The following LRRFIP1 variants were observed in gnomAD, a reference collection of about 807,000 sequenced individuals.
LRRFIP1 encodes leucine-rich repeat flightless-interacting protein 1.
In LRRFIP1, 62 loss-of-function variants were observed where a neutral mutation model predicts 104.4. The observed-to-expected ratio is 0.59, with a 90% CI of 0.48 to 0.73. LRRFIP1 has a LOEUF of 0.73. Among genes scored for constraint, LRRFIP1 ranks in the 30% least tolerant of loss-of-function variants. The probability of loss-of-function intolerance (pLI) is 0.00; values close to 1 mark genes in which losing one functional copy is unlikely to be tolerated. For missense variants in LRRFIP1, 796 were observed against 824.5 expected (o/e 0.97, Z 0.42); for synonymous variants, 300 against 299.0 (o/e 1.00, Z -0.03).
intron 11 of LRRFIP1, among the ~76,000 whole-genome samples, chr2:237,743,896 G>C (rs114212228): frequency 0.015 from 2,350 of 152,202 alleles, 64 homozygotes; most frequent in African/African-American, 0.052. Context: ...AAATCTCACT[G>C]GGAACCTGGT....
intron 19 of LRRFIP1, among the ~76,000 whole-genome samples, chr2:237,767,791 G>A (rs188616381): frequency 4.1e-4 from 63 of 152,228 alleles, no homozygotes; most frequent in Admixed American, 2.0e-3. Flanking sequence ...CCTGTACAGC[G>A]TACCACCCGT....
At chr2:237,762,534 T>C (rs1050662828) in intron 19 of LRRFIP1, 3 of 1,271,492 alleles carry the variant, frequency 2.4e-6, no homozygotes, top group Non-Finnish European at 3.3e-6. Context: ...AACGTGTGTT[T>C]ACATTCTAAT....
chr2:237,760,135 A>C lies in LRRFIP1; in HGVS notation c.1389A>C (p.Gly463=). The C allele has an allele frequency of 1.2e-6, 2 of 1,614,008 alleles. No homozygotes were observed. Among genetic ancestry groups the C allele is most frequent in the Non-Finnish European group, 1.7e-6 (2 of 1,179,880 alleles). The change falls in exon 19 of 24, where the codon GGA becomes GGC. Residue 463 remains glycine, a synonymous_variant. Transcript: ENST00000308482. ...GETSDTLNNV[G]YQGPTKMTKE... is the part of the protein sequence containing the mutation. ...CTTCCGACACCCTCAATAATGTTGG[A>C]TACCAAGGTCCTACCAAGATGACAA...
Position 237,756,127 on chromosome 2 carries a change from A to C in LRRFIP1, c.1071A>C (p.Ile357=). The C allele has an allele frequency of 6.2e-7, 1 of 1,614,038 alleles. No homozygotes were observed. Among genetic ancestry groups the C allele is most frequent in the Non-Finnish European group, 8.5e-7 (1 of 1,179,958 alleles). Residue 357 remains isoleucine (I), a synonymous_variant, in exon 16 of 24, where the codon ATA becomes ATC. Coordinates refer to ENST00000308482, the MANE Select transcript of LRRFIP1 (RefSeq NM_001137550.2). ...AAAGGGAAAAACACGCCCACAGTAT[A>C]CTGCAATTTCAGTTTGCTGAAGTCA... is the stretch of plus-strand genomic sequence containing the variant. ...EFEREKHAHS[I]LQFQFAEVKE...
intron 1 of LRRFIP1, among the ~76,000 whole-genome samples, chr2:237,641,412 G>A (rs1052857588): frequency 8.0e-5 from 12 of 150,296 alleles, no homozygotes; most frequent in Admixed American, 4.0e-4. Context: ...CAGGAGAATC[G>A]CTTGAACCCA....
intron 1 of LRRFIP1, among the ~76,000 whole-genome samples, chr2:237,695,506 C>T (rs540311568): frequency 2.2e-4 from 34 of 152,178 alleles, no homozygotes; most frequent in Non-Finnish European, 4.0e-4. Flanking sequence ...TTCTTATCCC[C>T]GAAAAATCAG....
chr2:237,644,185 A>C (rs1278437623), intron 1 of LRRFIP1, among the ~76,000 whole-genome samples: 1 of 152,214 alleles, frequency 6.6e-6, no homozygotes, highest in Non-Finnish European at 1.5e-5. Context: ...CGTTGTGTGC[A>C]CGATCGGGTT....
intron 7 of LRRFIP1, among the ~76,000 whole-genome samples, chr2:237,726,806 A>G (rs2094771008): frequency 6.6e-6 from 1 of 152,104 alleles, no homozygotes; most frequent in Admixed American, 6.5e-5. Flanking sequence ...AAATTTCCTT[A>G]TAGATGAATT....
intron 19 of LRRFIP1, chr2:237,762,797 T>A: frequency 6.2e-7 from 1 of 1,614,210 alleles, no homozygotes; most frequent in Non-Finnish European, 8.5e-7. Flanking sequence ...CCTAGGAACC[T>A]TAGCAGGTGC....
At chr2:237,682,428 A>G (rs911605817) in intron 1 of LRRFIP1, among the ~76,000 whole-genome samples, 2 of 152,126 alleles carry the variant, frequency 1.3e-5, no homozygotes, top group Admixed American at 1.3e-4. Flanking sequence ...GCAGAACAGG[A>G]GCTCGAGCCT....
Position 237,739,140 on chromosome 2 carries a change from A to G in LRRFIP1, c.556-92A>G, listed in dbSNP as rs2095339055. The G allele has an allele frequency of 4.4e-6, 5 of 1,136,748 alleles. No homozygotes were observed. In the Admixed American group the frequency reaches 8.1e-5, roughly 19 times the overall value. The allele number at this position is 1,136,748 out of a possible 1,614,324, so 70.4% of individuals were successfully genotyped here. A position where few individuals can be genotyped will look rare whatever the true frequency, so the allele number is the denominator to read the frequency against. Reference sequence around the variant, plus strand: ...GGCTAACCTCACCACTTACTGCAGCATGTTTTCTGTCGGCCTCTATTCTCC... The same window carrying G: ...GGCTAACCTCACCACTTACTGCAGCGTGTTTTCTGTCGGCCTCTATTCTCC... On this transcript the variant is annotated intron_variant, in intron 10 of 23. Coordinates refer to ENST00000308482, the MANE Select transcript of LRRFIP1 (RefSeq NM_001137550.2).
At chr2:237,761,091 A>T (rs1192007780) in intron 19 of LRRFIP1, among the ~76,000 whole-genome samples, 1 of 152,216 alleles carries the variant, frequency 6.6e-6, no homozygotes, top group Non-Finnish European at 1.5e-5. Context: ...ATTTTAATGT[A>T]GAAGCTTTCA....
chr2:237,685,118 AC>A (rs369613415), intron 1 of LRRFIP1, among the ~76,000 whole-genome samples: 2,443 of 31,308 alleles, frequency 0.078, 30 homozygotes, highest in Non-Finnish European at 0.11. Flanking sequence ...TCCCCCCCCC[AC>A]ACAAAAAAAC....
Position 237,742,530 on chromosome 2 carries a change from C to G in LRRFIP1, c.633+3221C>G, listed in dbSNP as rs144372172. Reference sequence around the variant, plus strand: ...AAAGACGGTGAGCACAGGCAGCATCCCTGGTATCTGAAGAGAGCCTGGGAG... The same window carrying G: ...AAAGACGGTGAGCACAGGCAGCATCGCTGGTATCTGAAGAGAGCCTGGGAG... On this transcript the variant is annotated intron_variant, in intron 11 of 23. Coordinates refer to ENST00000308482, the MANE Select transcript of LRRFIP1 (RefSeq NM_001137550.2). Among the ~76,000 whole-genome samples the G allele has an allele frequency of 2.2e-3, 342 of 152,330 alleles. 6 individuals are homozygous for G. The highest frequency in any genetic ancestry group is 7.9e-3 in the African/African-American group (329 of 41,558).
intron 3 of LRRFIP1, among the ~76,000 whole-genome samples, chr2:237,715,216 C>T (rs1038987): frequency 0.015 from 2,281 of 152,210 alleles, 48 homozygotes; most frequent in African/African-American, 0.052. Context: ...GCTGCTGTCC[C>T]GAAGAGTGCA....
intron 11 of LRRFIP1, among the ~76,000 whole-genome samples, chr2:237,740,941 G>C (rs45524936): frequency 0.032 from 4,845 of 152,294 alleles, 93 homozygotes; most frequent in Middle Eastern, 0.12. Flanking sequence ...TTCAATATGG[G>C]TGGGCATTGC....
chr2:237,702,087 C>G (rs1042868237), intron 1 of LRRFIP1, among the ~76,000 whole-genome samples: 1 of 152,098 alleles, frequency 6.6e-6, no homozygotes, highest in African/African-American at 2.4e-5. Context: ...GCTGGGAGAG[C>G]CTGGCTGTCT....
intron 1 of LRRFIP1, among the ~76,000 whole-genome samples, chr2:237,684,953 G>A (rs893787378): frequency 4.0e-5 from 6 of 151,812 alleles, no homozygotes; most frequent in African/African-American, 7.3e-5. Context: ...CAGGCGTGGT[G>A]GTGCACACCT....
At chr2:237,760,887 A>G (rs2059787537) in intron 19 of LRRFIP1, among the ~76,000 whole-genome samples, 1 of 152,108 alleles carries the variant, frequency 6.6e-6, no homozygotes, top group African/African-American at 2.4e-5. Context: ...AGATCAGAGG[A>G]ATATTTTATA....
Sources: allele counts gnomAD v4.1 joint callset (sites outside exome capture counted in the v4.1 genomes callset), GRCh38; gene constraint gnomAD v4.1.1; transcripts MANE v1.5; gene names NCBI Gene and HGNC (gene_info 2026-07-23, HGNC 2026-07-21).